Variants in CLDN16 observed in about 807,000 individuals in gnomAD.
CLDN16 encodes claudin 16, also known as claudin-16.
CLDN16 carries 13 observed loss-of-function variants against 24.6 expected under a neutral mutation model. The ratio of observed to expected loss-of-function variants is 0.53; its 90% CI spans 0.34 to 0.84. CLDN16 has a LOEUF of 0.84. Ranked by LOEUF, CLDN16 falls within the 40% of genes least tolerant of loss-of-function variation. The pLI is 0.01. For synonymous variants in CLDN16, 116 were observed against 106.7 expected (o/e 1.09, Z -0.54); for missense variants, 298 against 292.7 (o/e 1.02, Z -0.13).
intron 1 of CLDN16, among the ~76,000 whole-genome samples, chr3:190,324,764 C>A (rs1040328457): frequency 6.6e-6 from 1 of 152,152 alleles, no homozygotes; most frequent in African/African-American, 2.4e-5. Context: ...CTCTAGGCAT[C>A]CTTAATCCTG....
chr3:190,361,718 C>A (rs1200295620), intron 1 of CLDN16, among the ~76,000 whole-genome samples: 3 of 149,224 alleles, frequency 2.0e-5, no homozygotes, highest in African/African-American at 5.0e-5. Flanking sequence ...CCCAAGAAAT[C>A]ATTTTTTTTT....
intron 4 of CLDN16, among the ~76,000 whole-genome samples, chr3:190,409,274 A>ATATG (rs1439056464): frequency 6.6e-6 from 1 of 151,796 alleles, no homozygotes; most frequent in East Asian, 1.9e-4. Context: ...GCACACATGT[A>ATATG]TATGTATGTA....
intron 2 of CLDN16, among the ~76,000 whole-genome samples, chr3:190,372,505 C>T (rs981272986): frequency 6.6e-6 from 1 of 151,654 alleles, no homozygotes; most frequent in Admixed American, 6.6e-5. Flanking sequence ...TTTAGTTGGG[C>T]TTGTCGCACA....
At chr3:190,313,243 A>G in the CLDN16 span, 97,972 of 580,042 alleles carry the variant, frequency 0.17, 11,330 homozygotes, top group East Asian at 0.53. Context: ...ATGATGAAAA[A>G]GAGATCCCTC....
the CLDN16 span, among the ~76,000 whole-genome samples, chr3:190,303,103 T>C: frequency 6.6e-6 from 1 of 152,150 alleles, no homozygotes; most frequent in African/African-American, 2.4e-5. Context: ...TATTATCAAA[T>C]AAATACATAT....
At chr3:190,356,401 T>C (rs897367826) in intron 1 of CLDN16, among the ~76,000 whole-genome samples, 10 of 151,858 alleles carry the variant, frequency 6.6e-5, no homozygotes, top group African/African-American at 1.9e-4. Context: ...ACACAAAGCA[T>C]ACATACTCAT....
chr3:190,350,868 G>A (rs1040699600), intron 1 of CLDN16, among the ~76,000 whole-genome samples: 2 of 152,128 alleles, frequency 1.3e-5, no homozygotes, highest in South Asian at 4.1e-4. Flanking sequence ...TTAGTCTATA[G>A]ACAATCTTTC....
chr3:190,384,005 A>G (rs1300085350), upstream of CLDN16, among the ~76,000 whole-genome samples: 1 of 152,160 alleles, frequency 6.6e-6, no homozygotes, highest in African/African-American at 2.4e-5. Context: ...ATTGACAAGA[A>G]GGCAGCCTCA....
At chr3:190,290,631 C>T in the CLDN16 span, among the ~76,000 whole-genome samples, 1 of 152,158 alleles carries the variant, frequency 6.6e-6, no homozygotes. Context: ...TGCCAACTAT[C>T]TCACCTGCTT....
Position 190,410,045 on chromosome 3 carries a change from T to A in CLDN16, c.*9T>A, listed in dbSNP as rs1368443391. The A allele has an allele frequency of 6.2e-7, 1 of 1,613,944 alleles. No homozygotes were observed. Among genetic ancestry groups the A allele is most frequent in the East Asian group, 2.2e-5 (1 of 44,882 alleles). ...TAGACACAAGGGTGTAAAATGCACG[T>A]TTCAGGGTGTGTTTGCATATGATTT... On this transcript the variant is annotated 3_prime_UTR_variant, in exon 5 of 5. Transcript: ENST00000264734.
chr3:190,403,879 T>C (rs1028329374), intron 2 of CLDN16, among the ~76,000 whole-genome samples: 3 of 152,110 alleles, frequency 2.0e-5, no homozygotes, highest in African/African-American at 4.8e-5. Flanking sequence ...TAAAAATTCA[T>C]TAAAATGGAT....
At chr3:190,298,795 A>AT in the CLDN16 span, among the ~76,000 whole-genome samples, 2 of 152,076 alleles carry the variant, frequency 1.3e-5, no homozygotes, top group Non-Finnish European at 2.9e-5. Flanking sequence ...GCATCTATTT[A>AT]TTTTTTTCAT....
At chr3:190,331,830 G>T (rs1717186969) in intron 1 of CLDN16, among the ~76,000 whole-genome samples, 1 of 152,138 alleles carries the variant, frequency 6.6e-6, no homozygotes, top group African/African-American at 2.4e-5. Context: ...GATCTCACTG[G>T]GCTATAATTA....
chr3:190,345,747 A>T (rs1387972618), intron 1 of CLDN16, among the ~76,000 whole-genome samples: 2 of 152,164 alleles, frequency 1.3e-5, no homozygotes, highest in African/African-American at 4.8e-5. Context: ...GGCTAAAATA[A>T]ACACACTTTG....
At chr3:190,296,743 G>T in the CLDN16 span, among the ~76,000 whole-genome samples, 1 of 151,676 alleles carries the variant, frequency 6.6e-6, no homozygotes, top group Non-Finnish European at 1.5e-5. Context: ...TAGAGGTGGG[G>T]GTTTCACCGT....
At chr3:190,301,503 G>A in the CLDN16 span, among the ~76,000 whole-genome samples, 6 of 73,584 alleles carry the variant, frequency 8.2e-5, no homozygotes, top group African/African-American at 3.5e-4. Flanking sequence ...CAAAAAAAAA[G>A]AAGAAGAAGA....
At chr3:190,399,426 C>A (rs1045682195) in intron 1 of CLDN16, among the ~76,000 whole-genome samples, 3 of 152,054 alleles carry the variant, frequency 2.0e-5, no homozygotes, top group Non-Finnish European at 2.9e-5. Flanking sequence ...GCAGGAGAAT[C>A]GCTTGAACCC....
the CLDN16 span, among the ~76,000 whole-genome samples, chr3:190,316,152 T>A: frequency 6.6e-6 from 1 of 152,138 alleles, no homozygotes; most frequent in African/African-American, 2.4e-5. Context: ...ATTTGCATAA[T>A]ACACAAAAAG....
rs752533102 is a variant in CLDN16, at chr3:190,408,359, A to T, written c.428A>T (p.Tyr143Phe). The T allele has an allele frequency of 1.2e-6, 2 of 1,614,108 alleles. No individual in the cohort carries two copies. Among genetic ancestry groups the T allele is most frequent in the Admixed American group, 3.3e-5 (2 of 60,014 alleles). Residue 143 changes from tyrosine to phenylalanine, a missense_variant, in exon 4 of 5, where the codon TAT becomes TTT. Coordinates refer to ENST00000264734, the MANE Select transcript of CLDN16 (RefSeq NM_006580.4). ...IGSVWYAVDV[Y>F]VERSTLVLHN... is the part of the protein sequence containing the mutation. Reference sequence around the variant, plus strand: ...TCTGTGTGGTATGCTGTTGATGTGTATGTGGAACGTTCTACTTTGGTTTTG... The same window carrying T: ...TCTGTGTGGTATGCTGTTGATGTGTTTGTGGAACGTTCTACTTTGGTTTTG...
Sources: allele counts gnomAD v4.1 joint callset (sites outside exome capture counted in the v4.1 genomes callset), GRCh38; gene constraint gnomAD v4.1.1; transcripts MANE v1.5; gene names NCBI Gene and HGNC (gene_info 2026-07-23, HGNC 2026-07-21).